Variants in GLIS1 observed in about 807,000 individuals in gnomAD.
The protein encoded by GLIS1 is GLIS family zinc finger 1.
A neutral mutation model predicts 63.8 loss-of-function variants in GLIS1; 24 were observed. The observed-to-expected ratio is 0.38, with a 90% confidence interval of 0.27 to 0.53. GLIS1 has a LOEUF of 0.53. GLIS1 is among the 20% of genes least tolerant of loss of function. The pLI is 0.85. For synonymous variants in GLIS1, 450 were observed against 482.5 expected (o/e 0.93, Z 0.88); for missense variants, 1,036 against 1,074.1 (o/e 0.96, Z 0.50).
intron 4 of GLIS1, 32 bp downstream of exon 4, chr1:53,594,075 TG>T: frequency 6.3e-7 from 1 of 1,577,330 alleles, no homozygotes; most frequent in Non-Finnish European, 8.6e-7. Flanking sequence ...CCAGAGGGGC[TG>T]GGGTGAGGCC....
intron 6 of GLIS1, 49 bp from the exon 7 acceptor site, chr1:53,520,815 C>A: frequency 6.5e-7 from 1 of 1,543,498 alleles, no homozygotes; most frequent in Non-Finnish European, 8.8e-7. Context: ...GACCCCTGCC[C>A]ACCAGCAACC....
At chr1:53,606,184 G>A (rs1419704882) in intron 2 of GLIS1, among the ~76,000 whole-genome samples, 1 of 152,164 alleles carries the variant, frequency 6.6e-6, no homozygotes, top group Non-Finnish European at 1.5e-5. Flanking sequence ...TTTGATAAAG[G>A]CCCCTCTGCT....
intron 2 of GLIS1, among the ~76,000 whole-genome samples, chr1:53,674,011 A>G (rs1393997043): frequency 6.6e-6 from 1 of 152,064 alleles, no homozygotes; most frequent in Non-Finnish European, 1.5e-5. Flanking sequence ...GTCTCTATGA[A>G]AAATACAAAA....
chr1:53,710,221 C>T (rs1289772030), intron 2 of GLIS1, among the ~76,000 whole-genome samples: 1 of 152,232 alleles, frequency 6.6e-6, no homozygotes, highest in African/African-American at 2.4e-5. Context: ...CGAATCATTC[C>T]CCACCTGGAG....
At chr1:53,709,957 G>A (rs1298279246) in intron 2 of GLIS1, among the ~76,000 whole-genome samples, 4 of 152,190 alleles carry the variant, frequency 2.6e-5, no homozygotes, top group African/African-American at 7.2e-5. Flanking sequence ...TGTACAGGAT[G>A]GGAGGGGGAC....
intron 2 of GLIS1, among the ~76,000 whole-genome samples, chr1:53,609,987 TATC>T (rs1225914688): frequency 6.6e-6 from 1 of 152,204 alleles, no homozygotes; most frequent in Non-Finnish European, 1.5e-5. Context: ...AAAAATACAG[TATC>T]ATCATCTTAT....
At chr1:53,546,219 G>T (rs1391166038) in intron 4 of GLIS1, among the ~76,000 whole-genome samples, 1 of 152,230 alleles carries the variant, frequency 6.6e-6, no homozygotes, top group Non-Finnish European at 1.5e-5. Flanking sequence ...TTAGATACTG[G>T]TGACAGGCAG....
chr1:53,657,754 G>C (rs1569999372), intron 2 of GLIS1, among the ~76,000 whole-genome samples: 1 of 152,286 alleles, frequency 6.6e-6, no homozygotes, highest in East Asian at 1.9e-4. Flanking sequence ...GATTGCAAGA[G>C]GAACACAAGG....
chr1:53,507,906 C>G (rs1334167059), intron 10 of GLIS1, among the ~76,000 whole-genome samples: 1 of 152,160 alleles, frequency 6.6e-6, no homozygotes, highest in Admixed American at 6.5e-5. Context: ...CTGGGCACCT[C>G]AATTCGGGTA....
chr1:53,708,256 C>G (rs761943510), intron 2 of GLIS1, among the ~76,000 whole-genome samples: 5 of 151,916 alleles, frequency 3.3e-5, no homozygotes, highest in African/African-American at 4.8e-5. Flanking sequence ...GCACTCCAGC[C>G]TGGGCACAGC....
At chr1:53,509,426 G>T in intron 9 of GLIS1, 139 bp from the exon 10 acceptor site, 1 of 950,768 alleles carries the variant, frequency 1.1e-6, no homozygotes, top group Non-Finnish European at 1.5e-6. Context: ...GGAGGGCCCA[G>T]GGCAGAGGAG....
At chr1:53,633,943 G>A (rs147112508) in intron 2 of GLIS1, among the ~76,000 whole-genome samples, 9 of 152,178 alleles carry the variant, frequency 5.9e-5, no homozygotes, top group Admixed American at 1.3e-4. Context: ...GAATCATGGC[G>A]GCTTCAGCCA....
At chr1:53,522,414 G>C (rs1644419597) in intron 6 of GLIS1, among the ~76,000 whole-genome samples, 1 of 152,208 alleles carries the variant, frequency 6.6e-6, no homozygotes, top group South Asian at 2.1e-4. Context: ...CTCAGGCACT[G>C]GTCCGCTTGG....
At chr1:53,679,894 G>A (rs908389446) in intron 2 of GLIS1, among the ~76,000 whole-genome samples, 5 of 152,176 alleles carry the variant, frequency 3.3e-5, no homozygotes, top group Non-Finnish European at 5.9e-5. Context: ...AAAACCAACA[G>A]CTCCTACCCA....
chr1:53,712,272 G>T (rs922136686), intron 2 of GLIS1, among the ~76,000 whole-genome samples: 2 of 152,196 alleles, frequency 1.3e-5, no homozygotes, highest in African/African-American at 4.8e-5. Context: ...GTGAAAATCA[G>T]ATTCTGATGC....
intron 5 of GLIS1, among the ~76,000 whole-genome samples, chr1:53,525,310 CCCA>C (rs1215856909): frequency 6.6e-5 from 10 of 150,858 alleles, no homozygotes; most frequent in African/African-American, 2.4e-4. Context: ...GAAGGGGGCA[CCCA>C]CACAGGGCCA....
chr1:53,588,628 G>A (rs572326996), intron 4 of GLIS1, among the ~76,000 whole-genome samples: 1 of 152,358 alleles, frequency 6.6e-6, no homozygotes, highest in South Asian at 2.1e-4. Flanking sequence ...AGGGGTGTGT[G>A]CTGGCCTTAA....
At chr1:53,716,790 A>C (rs1371449154) in intron 2 of GLIS1, among the ~76,000 whole-genome samples, 1 of 152,158 alleles carries the variant, frequency 6.6e-6, no homozygotes, top group Non-Finnish European at 1.5e-5. Flanking sequence ...GGGGATTTCT[A>C]GAAACCGGCA....
intron 2 of GLIS1, among the ~76,000 whole-genome samples, chr1:53,616,682 G>A (rs1186020665): frequency 6.6e-6 from 1 of 152,068 alleles, no homozygotes; most frequent in East Asian, 1.9e-4. Flanking sequence ...AGAAGGACTG[G>A]TAGCTCTGAG....
Sources: allele counts gnomAD v4.1 joint callset (sites outside exome capture counted in the v4.1 genomes callset), GRCh38; gene constraint gnomAD v4.1.1; transcripts MANE v1.5; gene names NCBI Gene and HGNC (gene_info 2026-07-23, HGNC 2026-07-21).